Variants in CENPV observed in about 807,000 individuals in gnomAD.
CENPV encodes the protein centromere protein V.
Under a neutral mutation model 26.4 loss-of-function variants are expected in CENPV, and 15 were observed. The observed-to-expected ratio is 0.57, with a 90% CI of 0.38 to 0.88. The LOEUF (loss-of-function observed/expected upper bound fraction) is 0.88. CENPV is among the 40% of genes least tolerant of loss of function. The pLI is 0.00. For missense variants in CENPV, 336 were observed against 376.5 expected, an observed-to-expected ratio of 0.89 and a Z score of 0.89; for synonymous variants, 172 against 165.5, an observed-to-expected ratio of 1.04 and a Z score of -0.30.
chr17:16,347,021 TTTA>T (rs2093209970), intron 3 of CENPV, among the ~76,000 whole-genome samples: 2 of 151,974 alleles, frequency 1.3e-5, no homozygotes, highest in South Asian at 4.2e-4. Context: ...TAGCCGATTT[TTTA>T]TTTTTTGTAG....
At chr17:16,342,998 T>G in intron 4 of CENPV, 57 bp from the exon 5 acceptor site, 1 of 1,604,130 alleles carries the variant, frequency 6.2e-7, no homozygotes, top group Non-Finnish European at 8.5e-7. Flanking sequence ...GACCAGATGG[T>G]GTACCGGCTC....
intron 3 of CENPV, among the ~76,000 whole-genome samples, chr17:16,344,921 G>A (rs1167461651): frequency 6.6e-6 from 1 of 151,666 alleles, no homozygotes; most frequent in Admixed American, 6.6e-5. Flanking sequence ...ATAGGCGCGT[G>A]CCCCCATGCC....
chr17:16,346,738 G>A (rs2093208272), intron 3 of CENPV, among the ~76,000 whole-genome samples: 1 of 151,684 alleles, frequency 6.6e-6, no homozygotes. Context: ...GCAACAGAGT[G>A]AGACTGTCTC....
At chr17:16,348,534 G>T in intron 3 of CENPV, 82 bp downstream of exon 3, 1 of 1,594,680 alleles carries the variant, frequency 6.3e-7, no homozygotes, top group South Asian at 1.1e-5. Context: ...TGCTACAGAC[G>T]GCATGCTAAC....
Position 16,344,601 on chromosome 17 carries a change from G to T in CENPV, c.690C>A (p.Gly230=). The T allele has an allele frequency of 6.4e-7, 1 of 1,566,128 alleles. No homozygotes were observed. The change falls in exon 4 of 5, where the codon GGC becomes GGA. Residue 230 remains glycine (G), a synonymous_variant. Coordinates refer to ENST00000299736, the MANE Select transcript of CENPV (RefSeq NM_181716.3). ...SFYTPRSNPG[G]FGIAPHCLDE... ...CAGTCCATCCCCTTTACTCACCGAA[G>T]CCTCCGGGGTTTGATCGTGGAGTAT... is the stretch of plus-strand genomic sequence containing the variant.
intron 1 of CENPV, among the ~76,000 whole-genome samples, chr17:16,352,638 G>C (rs2093232987): frequency 1.3e-5 from 2 of 152,190 alleles, no homozygotes; most frequent in Non-Finnish European, 1.5e-5. Context: ...AGGGGATTCG[G>C]GTAAGAGAAA....
Position 16,348,693 on chromosome 17 carries a change from AAGAC to A in CENPV, c.510-12_510-9del, listed in dbSNP as rs1276561046. ...TTCTTGCAAATGCTGCAACTACAGA[AAGAC>A]AGAGCAAATTCCAGATTGTGAGCAG... On this transcript the variant is annotated splice_polypyrimidine_tract_variant and intron_variant, in intron 2 of 4. Coordinates refer to ENST00000299736, the MANE Select transcript of CENPV (RefSeq NM_181716.3). 1.2e-5 allele frequency: 20 copies of A among 1,613,740 alleles called. No individual in the cohort carries two copies. The highest frequency in any genetic ancestry group is 1.7e-5 in the Non-Finnish European group (20 of 1,179,746).
chr17:16,344,444 G>A, intron 4 of CENPV, 153 bp downstream of exon 4: 1 of 400,212 alleles, frequency 2.5e-6, no homozygotes, highest in Non-Finnish European at 4.5e-6. Context: ...ATTCTATCAT[G>A]TGGAAAGCGC....
At chr17:16,344,766 A>T (rs2093198290) in intron 3 of CENPV, 55 bp from the exon 4 acceptor site, 5 of 846,246 alleles carry the variant, frequency 5.9e-6, no homozygotes, top group South Asian at 2.1e-5. Flanking sequence ...TATTTATTTA[A>T]TTTATTTATT....
chr17:16,353,426 G>A lies in CENPV; in HGVS notation c.11C>T (p.Ser4Leu), dbSNP rs889433286. 6.1e-5 allele frequency: 71 copies of A among 1,162,240 alleles called. No individual in the cohort carries two copies. In the African/African-American group the frequency reaches 1.0e-3, roughly 17 times the overall value. The allele number at this position is 1,162,240 out of a possible 1,614,324, so 72.0% of individuals were successfully genotyped here. Residue 4 changes from serine to leucine, a missense_variant, in exon 1 of 5, where the codon TCG (serine) becomes TTG (leucine). Transcript: ENST00000299736. Reference protein sequence around the residue: MRRSRSSAAAKLRG... With the variant: MRRLRSSAAAKLRG... ...CAGCTTGGCGGCCGCAGAGCTCCTC[G>A]ATCGCCGCATGGCTCCCGCAGCCTG...
intron 3 of CENPV, among the ~76,000 whole-genome samples, chr17:16,347,271 A>G (rs1282999127): frequency 6.6e-6 from 1 of 151,890 alleles, no homozygotes; most frequent in Non-Finnish European, 1.5e-5. Flanking sequence ...ATCCTTGTTA[A>G]CCCTCTTTAC....
chr17:16,350,119 A>T, intron 1 of CENPV, 90 bp from the exon 2 acceptor site: 2 of 1,492,452 alleles, frequency 1.3e-6, no homozygotes, highest in Non-Finnish European at 1.8e-6. Flanking sequence ...AGAAGATTAG[A>T]CAAAAGTCTT....
intron 2 of CENPV, chr17:16,349,642 G>GC: frequency 8.7e-7 from 1 of 1,145,156 alleles, no homozygotes; most frequent in Non-Finnish European, 1.1e-6. Context: ...GCAGCTAACC[G>GC]CCCCCGGCTC....
rs565642316 is a variant in CENPV at position 16,343,047 on chromosome 17, C to T, written c.695-106G>A. 1.6e-5 allele frequency: 20 copies of T among 1,282,488 alleles called. No homozygotes were observed. In the East Asian group the frequency reaches 4.7e-4, roughly 30 times the overall value. The allele number at this position is 1,282,488 out of a possible 1,614,324, so 79.4% of individuals were successfully genotyped here. A position where few individuals can be genotyped will look rare whatever the true frequency, so the allele number is the denominator to read the frequency against. ...CACCTGCAGGCATCATCACGCTACA[C>T]ATTAGGGCTTCCAAAGGATATGCCA... On this transcript the variant is annotated intron_variant, in intron 4 of 4. Transcript: ENST00000299736.
rs373072160 is a variant in CENPV, at chr17:16,342,796, C to T, written c.*21G>A. Reference sequence around the variant, plus strand: ...GCTGGCCCCAATCATTCCTCCTTTTCAGGGCAGGAGAGGCAGAAGCTCACT... The same window carrying T: ...GCTGGCCCCAATCATTCCTCCTTTTTAGGGCAGGAGAGGCAGAAGCTCACT... On this transcript the variant is annotated 3_prime_UTR_variant, in exon 5 of 5. Coordinates refer to ENST00000299736, the MANE Select transcript of CENPV (RefSeq NM_181716.3). 35 of 1,613,574 alleles carry T rather than the reference C, an allele frequency of 2.2e-5. No individual in the cohort carries two copies. The highest frequency in any genetic ancestry group is 2.7e-5 in the Non-Finnish European group (32 of 1,179,786).
At chr17:16,352,694 T>C (rs2093233145) in intron 1 of CENPV, among the ~76,000 whole-genome samples, 1 of 152,110 alleles carries the variant, frequency 6.6e-6, no homozygotes, top group African/African-American at 2.4e-5. Context: ...CCCCACACCC[T>C]TTGCGCGCCA....
At chr17:16,349,877 G>A in intron 2 of CENPV, 54 bp downstream of exon 2, 3 of 1,599,280 alleles carry the variant, frequency 1.9e-6, no homozygotes, top group Non-Finnish European at 2.6e-6. Context: ...TTGAAATATT[G>A]CATTTTAACT....
intron 1 of CENPV, 98 bp from the exon 2 acceptor site, chr17:16,350,127 C>G (rs2093223028): frequency 7.0e-7 from 1 of 1,433,080 alleles, no homozygotes; most frequent in Non-Finnish European, 9.4e-7. Flanking sequence ...AGACAAAAGT[C>G]TTTTCTACAT....
At position 16,344,736 on chromosome 17, in the gene CENPV, T is replaced by C. The variant is rs762542528; in HGVS notation, c.580-25A>G. 1.5e-5 allele frequency: 19 copies of C among 1,298,724 alleles called. No homozygotes were observed. In the South Asian group the frequency reaches 2.7e-4, roughly 18 times the overall value. The allele number at this position is 1,298,724 out of a possible 1,614,324, so 80.5% of individuals were successfully genotyped here. ...CCTAGGTGAAAACAGACAAACGGTA[T>C]TCTTTTTTACAAAGAGATTTATTTA... On this transcript the variant is annotated intron_variant, in intron 3 of 4. Transcript: ENST00000299736.
Sources: allele counts gnomAD v4.1 joint callset (sites outside exome capture counted in the v4.1 genomes callset), GRCh38; gene constraint gnomAD v4.1.1; transcripts MANE v1.5; gene names NCBI Gene and HGNC (gene_info 2026-07-23, HGNC 2026-07-21).